UHRF1: variants seen among roughly 807,000 people sequenced by gnomAD.
UHRF1 encodes the protein ubiquitin like with PHD and ring finger domains 1.
In UHRF1, 9 loss-of-function variants were observed where a neutral mutation model predicts 96.5. That is an observed-to-expected ratio of 0.09 (90% CI 0.06 to 0.16). The LOEUF (loss-of-function observed/expected upper bound fraction) is 0.16. Ranked by LOEUF, UHRF1 falls within the 10% of genes least tolerant of loss-of-function variation. The probability of loss-of-function intolerance (pLI) is 1.00; values close to 1 mark genes in which losing one functional copy is unlikely to be tolerated. For synonymous variants in UHRF1, 455 were observed against 469.9 expected, an observed-to-expected ratio of 0.97 and a Z score of 0.41; for missense variants, 626 against 1,131.1, an observed-to-expected ratio of 0.55 and a Z score of 6.40.
At chr19:4,956,847 G>A (rs1041552705) in intron 16 of UHRF1, 34 bp downstream of exon 16, 1 of 1,479,966 alleles carries the variant, frequency 6.8e-7, no homozygotes, top group East Asian at 2.4e-5. Flanking sequence ...CCGGGTGGAA[G>A]GTTCTGGAAG....
At position 4,930,941 on chromosome 19, in the gene UHRF1, G is replaced by A. The variant is rs1282183414; in HGVS notation, c.569+65G>A. ...CTGTGACGCGCATCCTTGGCTGCGG[G>A]TGTTCAGGCCAGAGCTTGGCACTGT... On this transcript the variant is annotated intron_variant, in intron 4 of 16. Transcript: ENST00000650932. This position sits in a 1 kb window ranked among gnomAD's most constrained non-coding sequence, Gnocchi z 4.4. 1 of 1,595,192 alleles carries A rather than the reference G, an allele frequency of 6.3e-7. No individual in the cohort carries two copies. Among genetic ancestry groups the A allele is most frequent in the Non-Finnish European group, 8.6e-7 (1 of 1,168,708 alleles).
upstream of UHRF1, among the ~76,000 whole-genome samples, chr19:4,907,137 C>T (rs1454796407): frequency 1.3e-5 from 2 of 152,168 alleles, no homozygotes; most frequent in Non-Finnish European, 2.9e-5. Context: ...GTTGATAGAG[C>T]CTTGCTCTGT....
intron 9 of UHRF1, among the ~76,000 whole-genome samples, chr19:4,945,624 A>C (rs1261747137): frequency 6.7e-6 from 1 of 149,820 alleles, no homozygotes; most frequent in East Asian, 2.0e-4. Context: ...TGCCCCGTGC[A>C]CGCTTGATGG....
chr19:4,940,192 C>T (rs961081254), intron 5 of UHRF1, among the ~76,000 whole-genome samples: 3 of 152,032 alleles, frequency 2.0e-5, no homozygotes, highest in Non-Finnish European at 2.9e-5. Flanking sequence ...ACCTCTCAAA[C>T]GTGCTTATTA....
At chr19:4,918,561 T>A (rs2032599803) in intron 2 of UHRF1, among the ~76,000 whole-genome samples, 1 of 151,484 alleles carries the variant, frequency 6.6e-6, no homozygotes, top group African/African-American at 2.4e-5. Context: ...ACTACAGGCA[T>A]GCACCACCAT....
chr19:4,918,421 C>T (rs2032594495), intron 2 of UHRF1, among the ~76,000 whole-genome samples: 1 of 147,572 alleles, frequency 6.8e-6, no homozygotes, highest in Non-Finnish European at 1.5e-5. Flanking sequence ...TGTGCCTGGC[C>T]TGTTTTTTTT....
At chr19:4,960,307 C>T (rs1045241047) in intron 16 of UHRF1, among the ~76,000 whole-genome samples, 1 of 152,126 alleles carries the variant, frequency 6.6e-6, no homozygotes, top group East Asian at 1.9e-4. Context: ...GGAGAGGTGC[C>T]GTCTTGAAGG....
chr19:4,929,859 C>T (rs2032993885), intron 3 of UHRF1, among the ~76,000 whole-genome samples: 2 of 152,068 alleles, frequency 1.3e-5, no homozygotes, highest in South Asian at 2.1e-4. Context: ...GGGGTGCAGC[C>T]GTGTGATCAC....
rs138195013 is a variant in UHRF1, at chr19:4,916,172, G to A, written c.153+5134G>A. Among the ~76,000 whole-genome samples, 760 of 152,256 alleles carry A rather than the reference G, an allele frequency of 5.0e-3. 4 individuals are homozygous for A. Among genetic ancestry groups the A allele is most frequent in the African/African-American group, 0.017 (726 of 41,542 alleles). On this transcript the variant is annotated intron_variant, in intron 2 of 16. Coordinates refer to ENST00000650932, the MANE Select transcript of UHRF1 (RefSeq NM_001048201.3). Reference sequence around the variant, plus strand: ...AAAATGAAAATTAGCCGGGCATGGTGGCGCATGCCTGTAGTCCTAGCTACT... The same window carrying A: ...AAAATGAAAATTAGCCGGGCATGGTAGCGCATGCCTGTAGTCCTAGCTACT...
chr19:4,922,417 C>G (rs912002635), intron 2 of UHRF1, among the ~76,000 whole-genome samples: 12 of 151,868 alleles, frequency 7.9e-5, no homozygotes, highest in Non-Finnish European at 1.5e-4. Flanking sequence ...AGGCGCCCAC[C>G]ACCACGCCCG....
At chr19:4,926,007 C>T (rs1471786249) in intron 2 of UHRF1, among the ~76,000 whole-genome samples, 2 of 152,164 alleles carry the variant, frequency 1.3e-5, no homozygotes, top group Non-Finnish European at 2.9e-5. Context: ...AAGCAATTGT[C>T]CTTCCTCAGC....
intron 7 of UHRF1, 89 bp from the exon 8 acceptor site, chr19:4,944,043 G>A: frequency 1.3e-6 from 2 of 1,561,594 alleles, no homozygotes; most frequent in Non-Finnish European, 8.7e-7. Context: ...GGCGGGGAGA[G>A]CCATGTCCGT....
At chr19:4,923,745 G>C (rs1389363444) in intron 2 of UHRF1, among the ~76,000 whole-genome samples, 2 of 152,222 alleles carry the variant, frequency 1.3e-5, no homozygotes, top group African/African-American at 4.8e-5. Flanking sequence ...GGCGCTCCTG[G>C]CGTGGAGTAG....
intron 9 of UHRF1, among the ~76,000 whole-genome samples, chr19:4,945,329 G>A (rs981011935): frequency 2.6e-5 from 4 of 152,152 alleles, no homozygotes; most frequent in Admixed American, 1.3e-4. Flanking sequence ...TGCGGTCTTG[G>A]CTCACTGCAA....
At chr19:4,942,171 C>T (rs891967631) in intron 7 of UHRF1, among the ~76,000 whole-genome samples, 1 of 151,942 alleles carries the variant, frequency 6.6e-6, no homozygotes, top group African/African-American at 2.4e-5. Flanking sequence ...TTTTTTGAGA[C>T]GGAGTCTTTT....
chr19:4,906,714 C>G (rs781144603), upstream of UHRF1, among the ~76,000 whole-genome samples: 1 of 152,164 alleles, frequency 6.6e-6, no homozygotes, highest in Non-Finnish European at 1.5e-5. Flanking sequence ...GATCATACCA[C>G]TGCACTGCAG....
At chr19:4,934,256 ACTC>A (rs2033151682) in intron 5 of UHRF1, among the ~76,000 whole-genome samples, 2 of 150,934 alleles carry the variant, frequency 1.3e-5, no homozygotes. Context: ...CTGGTCTCGA[ACTC>A]CTGACCTCAA....
In UHRF1 at chr19:4,929,332, C is replaced by G. The variant is rs555409812; in HGVS notation, c.264C>G (p.Ser88=). The part of the protein sequence containing the change: ...VLPHSTKERD[S]ELSDTDSGCC... ...CCCACAGCACCAAGGAGCGGGACTC[C>G]GAGCTCTCCGACACCGACTCCGGCT... Residue 88 remains serine, a synonymous_variant, in exon 3 of 17, where the codon TCC becomes TCG. Transcript: ENST00000650932. 6.2e-7 allele frequency: 1 copy of G among 1,613,536 alleles called. No individual in the cohort carries two copies. The highest frequency in any genetic ancestry group is 1.3e-5 in the African/African-American group (1 of 74,916).
Position 4,955,992 on chromosome 19 carries a change from T to C in UHRF1, c.2131-717T>C, listed in dbSNP as rs183810368. ...TCGTTGCCCGGGCTGGAGTGTGCAATGGCATGATCTTGGATCACTGCAACC... is the reference window on the plus strand; with the variant it reads ...TCGTTGCCCGGGCTGGAGTGTGCAACGGCATGATCTTGGATCACTGCAACC... On this transcript the variant is annotated intron_variant, in intron 15 of 16. Transcript: ENST00000650932. 1.4e-4 allele frequency among the ~76,000 whole-genome samples: 21 copies of C among 152,206 alleles called. No homozygotes were observed. The Middle Eastern group carries it at 0.01, about 74-fold the overall frequency.
Sources: allele counts gnomAD v4.1 joint callset (sites outside exome capture counted in the v4.1 genomes callset), GRCh38; gene constraint gnomAD v4.1.1; non-coding constraint Gnocchi (gnomAD v3.1); transcripts MANE v1.5; gene names NCBI Gene and HGNC (gene_info 2026-07-23, HGNC 2026-07-21).